Variants in MAST4 observed in about 807,000 individuals in gnomAD.
MAST4 encodes microtubule associated serine/threonine kinase family member 4.
MAST4 carries 89 observed loss-of-function variants against 162.7 expected under a neutral mutation model. The ratio of observed to expected loss-of-function variants is 0.55; its 90% confidence interval spans 0.46 to 0.65. The LOEUF (loss-of-function observed/expected upper bound fraction) is 0.65. Ranked by LOEUF, MAST4 falls within the 30% of genes least tolerant of loss-of-function variation. The pLI is 0.00. For synonymous variants in MAST4, 1,479 were observed against 1,361.1 expected, an observed-to-expected ratio of 1.09 and a Z score of -1.91; for missense variants, 3,153 against 3,374.0, an observed-to-expected ratio of 0.93 and a Z score of 1.62.
At chr5:67,137,153 G>A (rs1769763179) in intron 19 of MAST4, among the ~76,000 whole-genome samples, 1 of 152,206 alleles carries the variant, frequency 6.6e-6, no homozygotes, top group African/African-American at 2.4e-5. Context: ...AGAAATGAGT[G>A]TCTGGGGTTG....
chr5:66,775,045 G>GTT (rs1336935728), intron 2 of MAST4, among the ~76,000 whole-genome samples: 12 of 148,180 alleles, frequency 8.1e-5, no homozygotes, highest in African/African-American at 3.0e-4. Flanking sequence ...GTATGTGTGT[G>GTT]TTTTCCCCCT....
chr5:67,016,822 A>G (rs1052276156), intron 4 of MAST4, among the ~76,000 whole-genome samples: 3 of 152,162 alleles, frequency 2.0e-5, no homozygotes, highest in Non-Finnish European at 4.4e-5. Flanking sequence ...ACATAAGTGT[A>G]TATGTTATCT....
At chr5:66,664,435 CAAAAA>C (rs58704256) in intron 1 of MAST4, among the ~76,000 whole-genome samples, 25 of 93,912 alleles carry the variant, frequency 2.7e-4, no homozygotes, top group Admixed American at 6.9e-4. Context: ...AACTCCATTT[CAAAAA>C]AAAAAAAAAA....
chr5:66,608,614 C>T lies in MAST4; in HGVS notation c.363+11596C>T, dbSNP rs1470397437. Among the ~76,000 whole-genome samples, 3 of 151,956 alleles carry T rather than the reference C, an allele frequency of 2.0e-5. No individual in the cohort carries two copies. The East Asian group carries it at 5.8e-4, about 29-fold the overall frequency. On this transcript the variant is annotated intron_variant, in intron 1 of 28. Coordinates refer to ENST00000403625, the MANE Select transcript of MAST4 (RefSeq NM_001164664.2). ...CCAATCCCTGCGGAGGAGTTTGACT[C>T]CAGAGGACATGGTCAGTTCTGTGTT...
At chr5:67,078,879 A>AAT (rs1415524734) in intron 5 of MAST4, among the ~76,000 whole-genome samples, 4 of 87,604 alleles carry the variant, frequency 4.6e-5, no homozygotes, top group African/African-American at 9.6e-5. Context: ...TATTTATATA[A>AAT]ATATATTTAT....
chr5:67,142,379 A>C (rs1770500412), intron 20 of MAST4, 42 bp from the exon 21 acceptor site: 1 of 1,521,300 alleles, frequency 6.6e-7, no homozygotes, highest in Non-Finnish European at 9.0e-7. Flanking sequence ...TAAATGTTGA[A>C]AATCTGAGTA....
rs1214612548 is a variant in MAST4, at chr5:67,081,061, A to AATATAATATATAATTGTATATATT, written c.764-9071_764-9048dup. The stretch of plus-strand genomic sequence containing the variant: ...TAATATATAATTGTATATATTATAT[A>AATATAATATATAATTGTATATATT]ATATAATATATAATTGTATATATTA... On this transcript the variant is annotated intron_variant, in intron 5 of 28. Coordinates refer to ENST00000403625, the MANE Select transcript of MAST4 (RefSeq NM_001164664.2). Among the ~76,000 whole-genome samples, 436 of 120,046 alleles carry AATATAATATATAATTGTATATATT rather than the reference A, an allele frequency of 3.6e-3. 15 individuals carry two copies. Among genetic ancestry groups the AATATAATATATAATTGTATATATT allele is most frequent in the South Asian group, 0.031 (125 of 4,012 alleles). 78.8% of individuals were successfully genotyped at this position (120,046 alleles called of 152,430 possible).
At chr5:66,777,973 A>T (rs1754681106) in intron 2 of MAST4, among the ~76,000 whole-genome samples, 1 of 152,210 alleles carries the variant, frequency 6.6e-6, no homozygotes. Flanking sequence ...GGGGTTAGAC[A>T]TGTCTAGCAA....
At chr5:66,730,105 G>A (rs1174331464) in intron 1 of MAST4, among the ~76,000 whole-genome samples, 1 of 151,998 alleles carries the variant, frequency 6.6e-6, no homozygotes, top group African/African-American at 2.4e-5. Flanking sequence ...GATGAAGGAT[G>A]CCTACATGGG....
chr5:66,941,903 G>A (rs954935416), intron 4 of MAST4, among the ~76,000 whole-genome samples: 11 of 152,072 alleles, frequency 7.2e-5, no homozygotes, highest in Admixed American at 2.0e-4. Flanking sequence ...AGAGATGGGG[G>A]AACGGCTGGT....
At chr5:67,024,481 A>G (rs1485426543) in intron 4 of MAST4, among the ~76,000 whole-genome samples, 3 of 151,018 alleles carry the variant, frequency 2.0e-5, no homozygotes, top group Admixed American at 6.6e-5. Flanking sequence ...ATATATAGAT[A>G]TATACATATC....
chr5:66,807,489 C>A (rs888446086), intron 3 of MAST4, among the ~76,000 whole-genome samples: 47 of 144,548 alleles, frequency 3.3e-4, no homozygotes, highest in African/African-American at 1.2e-3. Flanking sequence ...GGCGACAGAG[C>A]GAGACTCCGT....
chr5:67,137,226 G>T (rs1769776190), intron 19 of MAST4, among the ~76,000 whole-genome samples: 1 of 152,130 alleles, frequency 6.6e-6, no homozygotes, highest in Non-Finnish European at 1.5e-5. Context: ...AAAAACCACT[G>T]TCTTTCAGGA....
intron 1 of MAST4, among the ~76,000 whole-genome samples, chr5:66,650,385 C>G (rs1337620297): frequency 6.6e-6 from 1 of 152,078 alleles, no homozygotes; most frequent in Non-Finnish European, 1.5e-5. Flanking sequence ...TAGCATTTGC[C>G]CATTTCTGTG....
At chr5:66,787,561 T>C (rs1012276347) in intron 2 of MAST4, among the ~76,000 whole-genome samples, 11 of 152,172 alleles carry the variant, frequency 7.2e-5, no homozygotes, top group Non-Finnish European at 1.5e-4. Flanking sequence ...ACTGCAATCG[T>C]TATTAACCAG....
chr5:66,649,545 C>T (rs1226971764), intron 1 of MAST4, among the ~76,000 whole-genome samples: 1 of 152,158 alleles, frequency 6.6e-6, no homozygotes, highest in South Asian at 2.1e-4. Flanking sequence ...AGTAGCTCTT[C>T]ATGTTTTAGC....
intron 1 of MAST4, among the ~76,000 whole-genome samples, chr5:66,714,358 T>C (rs1045881812): frequency 6.6e-6 from 1 of 152,222 alleles, no homozygotes; most frequent in Non-Finnish European, 1.5e-5. Flanking sequence ...CATTAGGTTT[T>C]GGTGTTTTCT....
intron 1 of MAST4, among the ~76,000 whole-genome samples, chr5:66,733,598 C>T (rs1223414093): frequency 6.6e-6 from 1 of 152,070 alleles, no homozygotes; most frequent in Non-Finnish European, 1.5e-5. Context: ...GTGGGGATTA[C>T]AGGCGCCCGC....
At chr5:67,067,872 C>T (rs1760436495) in intron 5 of MAST4, among the ~76,000 whole-genome samples, 1 of 152,186 alleles carries the variant, frequency 6.6e-6, no homozygotes, top group African/African-American at 2.4e-5. Context: ...AGAAGCTCAA[C>T]CTGTCCCATT....
Sources: gnomAD v4.1 joint callset for allele counts (sites outside exome capture counted in the v4.1 genomes callset) on GRCh38, gnomAD v4.1.1 for gene constraint, MANE v1.5 for transcripts, NCBI Gene and HGNC (gene_info 2026-07-23, HGNC 2026-07-21) for gene names.